Variants in LTBP2 observed in about 807,000 individuals in gnomAD.
LTBP2 encodes the protein latent-transforming growth factor beta-binding protein 2.
LTBP2 carries 103 observed loss-of-function variants against 210.6 expected under a neutral mutation model. The observed-to-expected ratio is 0.49, with a 90% CI of 0.42 to 0.58. The LOEUF (loss-of-function observed/expected upper bound fraction) is 0.58, where lower values mean the gene tolerates loss of function less well. Among genes scored for constraint, LTBP2 ranks in the 20% least tolerant of loss-of-function variants. The pLI, the probability that LTBP2 is intolerant of heterozygous loss-of-function variation, is 0.00. For synonymous variants in LTBP2, 1,007 were observed against 1,015.0 expected, an observed-to-expected ratio of 0.99 and a Z score of 0.15; for missense variants, 2,313 against 2,494.5, an observed-to-expected ratio of 0.93 and a Z score of 1.55.
In LTBP2 at chr14:74,555,650, C is replaced by T. The variant is rs898615549; in HGVS notation, c.874G>A (p.Val292Met). The stretch of plus-strand genomic sequence containing the variant: ...AGTCGGACAGTGCGGGACAACCCCA[C>T]GTGCTGCTGGGAAGGGTGGGTCTGG... ...LSQTHPSQQH[V>M]GLSRTVRLHP... Residue 292 changes from valine to methionine, a missense_variant, in exon 4 of 36, where the codon GTG becomes ATG. Around this residue, in one of 3 missense-constraint regions of LTBP2, gnomAD observed 1,867 missense variants for 1,976.9 expected, o/e 0.94. Transcript: ENST00000261978. 17 of 1,579,266 alleles carry T rather than the reference C, an allele frequency of 1.1e-5. No homozygotes were observed. Among genetic ancestry groups the T allele is most frequent in the African/African-American group, 2.7e-5 (2 of 74,204 alleles).
At position 74,555,519 on chromosome 14, in the gene LTBP2, G is replaced by T; in HGVS notation, c.1005C>A (p.His335Gln). 5.0e-6 allele frequency: 8 copies of T among 1,613,676 alleles called. No homozygotes were observed. Among genetic ancestry groups the T allele is most frequent in the Non-Finnish European group, 6.8e-6 (8 of 1,179,746 alleles). Residue 335 changes from histidine to glutamine, a missense_variant, in exon 4 of 36, where the codon CAC becomes CAA. This residue lies in a region of LTBP2 where 1,867 missense variants were observed against 1,976.9 expected (regional missense o/e 0.94). Coordinates refer to ENST00000261978, the MANE Select transcript of LTBP2 (RefSeq NM_000428.3). ...DGTQQAVPLEHPSSPWGLNLT... is the reference protein window; with the variant it reads ...DGTQQAVPLEQPSSPWGLNLT... ...TATCCTTACCCCAGGGGGATGAGGGGTGCTCCAGAGGTACCGCCTGTTGGG... is the reference window on the plus strand; with the variant it reads ...TATCCTTACCCCAGGGGGATGAGGGTTGCTCCAGAGGTACCGCCTGTTGGG...
intron 8 of LTBP2, among the ~76,000 whole-genome samples, chr14:74,540,785 A>T (rs1459239409): frequency 9.8e-5 from 2 of 20,342 alleles, no homozygotes; most frequent in Non-Finnish European, 1.1e-3. Context: ...TATATATATT[A>T]TATATATATT....
At chr14:74,566,140 A>G (rs2087899504) in intron 3 of LTBP2, among the ~76,000 whole-genome samples, 1 of 151,908 alleles carries the variant, frequency 6.6e-6, no homozygotes, top group South Asian at 2.1e-4. Context: ...AACTGTTCCC[A>G]GCTCTAATCA....
At chr14:74,606,591 G>A (rs557255145) in intron 1 of LTBP2, among the ~76,000 whole-genome samples, 29 of 152,332 alleles carry the variant, frequency 1.9e-4, no homozygotes, top group Admixed American at 1.9e-3. Context: ...GCTCACACCT[G>A]TAATCCCAGC....
At chr14:74,553,524 CTAAGA>C (rs2087687730) in intron 4 of LTBP2, among the ~76,000 whole-genome samples, 1 of 152,134 alleles carries the variant, frequency 6.6e-6, no homozygotes, top group Non-Finnish European at 1.5e-5. Context: ...GGAGAGTTTT[CTAAGA>C]GAAGAGAAGA....
intron 2 of LTBP2, among the ~76,000 whole-genome samples, chr14:74,597,774 G>A (rs1373239103): frequency 6.6e-6 from 1 of 152,026 alleles, no homozygotes; most frequent in Non-Finnish European, 1.5e-5. Context: ...ATTACCCTTC[G>A]CCACCTCCCA....
At chr14:74,602,780 G>A (rs151261828) in intron 2 of LTBP2, among the ~76,000 whole-genome samples, 47 of 152,226 alleles carry the variant, frequency 3.1e-4, no homozygotes, top group Non-Finnish European at 5.7e-4. Context: ...TCTCTCCTTC[G>A]AGCCAGCCTG....
chr14:74,573,063 C>T (rs766630814), intron 3 of LTBP2, among the ~76,000 whole-genome samples: 2 of 152,224 alleles, frequency 1.3e-5, no homozygotes, highest in Non-Finnish European at 2.9e-5. Flanking sequence ...CTGCTCCAGG[C>T]TCTCACCGAC....
In LTBP2 at chr14:74,509,848, A is replaced by G; in HGVS notation, c.3163T>C (p.Cys1055Arg). 6.2e-7 allele frequency: 1 copy of G among 1,613,948 alleles called. No homozygotes were observed. The highest frequency in any genetic ancestry group is 1.3e-5 in the African/African-American group (1 of 75,022). The change falls in exon 21 of 36, where the codon TGT (cysteine) becomes CGT (arginine). Residue 1055 changes from cysteine to arginine, a missense_variant. By Grantham distance (180) the Cys-to-Arg change is radical. Coordinates refer to ENST00000261978, the MANE Select transcript of LTBP2 (RefSeq NM_000428.3). ...DEKGCQDVDE[C>R]ASRASCPTGL... is the part of the protein sequence containing the mutation. ...GTGGGGCATGAGGCCCGGCTGGCACACTCATCCACATCTGAAATAGGGCAT... is the reference window on the plus strand; with the variant it reads ...GTGGGGCATGAGGCCCGGCTGGCACGCTCATCCACATCTGAAATAGGGCAT...
intron 8 of LTBP2, among the ~76,000 whole-genome samples, chr14:74,540,081 A>G (rs1188495354): frequency 6.6e-6 from 1 of 151,930 alleles, no homozygotes; most frequent in African/African-American, 2.4e-5. Context: ...CCACCCCAAA[A>G]CCAGGGCCCT....
At chr14:74,578,114 G>T (rs1266998511) in intron 3 of LTBP2, among the ~76,000 whole-genome samples, 4 of 152,084 alleles carry the variant, frequency 2.6e-5, no homozygotes, top group Non-Finnish European at 5.9e-5. Flanking sequence ...GAAGGCCAGG[G>T]CAGGCCTTCA....
intron 3 of LTBP2, among the ~76,000 whole-genome samples, chr14:74,573,871 T>C (rs1267549930): frequency 6.6e-6 from 1 of 152,172 alleles, no homozygotes; most frequent in Non-Finnish European, 1.5e-5. Context: ...GCAGCCAGTA[T>C]TGGTATCATC....
Position 74,528,565 on chromosome 14 carries a change from C to T in LTBP2, c.2286G>A (p.Gly762=), listed in dbSNP as rs755236322. 3 of 1,613,264 alleles carry T rather than the reference C, an allele frequency of 1.9e-6. No homozygotes were observed. The South Asian group carries it at 3.3e-5, about 18-fold the overall frequency. The change falls in exon 12 of 36, where the codon GGG becomes GGA. Residue 762 remains glycine (G), a synonymous_variant. Transcript: ENST00000261978. ...PPREQGQRSS[G]ALPGPAERQP... Reference sequence around the variant, plus strand: ...GCCTCTCTGCTGGCCCGGGCAGTGCCCCGCTGCTCCTCTGCCCTTGCTCCC... The same window carrying T: ...GCCTCTCTGCTGGCCCGGGCAGTGCTCCGCTGCTCCTCTGCCCTTGCTCCC...
chr14:74,605,945 C>T (rs1236866367), intron 1 of LTBP2, among the ~76,000 whole-genome samples: 2 of 152,298 alleles, frequency 1.3e-5, no homozygotes, highest in Non-Finnish European at 1.5e-5. Flanking sequence ...AGGATCCCTA[C>T]AGGCCAATAT....
At chr14:74,567,296 A>G (rs575567621) in intron 3 of LTBP2, among the ~76,000 whole-genome samples, 1 of 152,018 alleles carries the variant, frequency 6.6e-6, no homozygotes, top group African/African-American at 2.4e-5. Context: ...CACTGTGAAC[A>G]CTTTTCCACC....
rs1315765424 is a variant in LTBP2, at chr14:74,500,634, TG to T, written c.*249del. 14 of 577,160 alleles carry T rather than the reference TG, an allele frequency of 2.4e-5. No homozygotes were observed. The highest frequency in any genetic ancestry group is 1.1e-4 in the Admixed American group (4 of 36,070). The allele number at this position is 577,160 out of a possible 1,614,324, so 35.8% of individuals were successfully genotyped here. On this transcript the variant is annotated 3_prime_UTR_variant, in exon 36 of 36. Transcript: ENST00000261978. ...CATCCCATAGCAAGGCCAGGAAAGG[TG>T]GTGGACAGGGCCTCATGCGGTGGCT...
Position 74,504,947 on chromosome 14 carries a change from TGACCCTTCGAG to T in LTBP2, c.4369+25_4369+35del, listed in dbSNP as rs36016624. 181,492 of 1,613,946 alleles carry T rather than the reference TGACCCTTCGAG, an allele frequency of 0.11. 11,827 individuals carry two copies. Among genetic ancestry groups the T allele is most frequent in the Non-Finnish European group, 0.13 (151,582 of 1,179,822 alleles). ...TTCTTTCAGTGTCACCTTGCAGAGC[TGACCCTTCGAG>T]GATCTGGAACCCTTGGGGTCTTACC... On this transcript the variant is annotated intron_variant, in intron 29 of 35. Coordinates refer to ENST00000261978, the MANE Select transcript of LTBP2 (RefSeq NM_000428.3).
chr14:74,536,123 G>A (rs1595260379), intron 8 of LTBP2, 123 bp from the exon 9 acceptor site: 5 of 805,234 alleles, frequency 6.2e-6, no homozygotes, highest in East Asian at 5.3e-5. Context: ...CCCAGCCCCC[G>A]AAGCCATCGC....
rs755780671 is a variant in LTBP2, at chr14:74,553,025, G to A, written c.1059C>T (p.Ile353=). 12 of 1,614,042 alleles carry A rather than the reference G, an allele frequency of 7.4e-6. No individual in the cohort carries two copies. Among genetic ancestry groups the A allele is most frequent in the Admixed American group, 5.0e-5 (3 of 60,000 alleles). The part of the protein sequence containing the change: ...NLTEKIKKIK[I]VFTPTICKQT... Reference sequence around the variant, plus strand: ...GCTTGCAGATGGTGGGAGTGAAGACGATCTTGATCTTCTTGATTTTCTCCG... The same window carrying A: ...GCTTGCAGATGGTGGGAGTGAAGACAATCTTGATCTTCTTGATTTTCTCCG... Residue 353 remains isoleucine, a synonymous_variant, in exon 5 of 36, where the codon ATC becomes ATT. Transcript: ENST00000261978.
Sources: allele counts gnomAD v4.1 joint callset (sites outside exome capture counted in the v4.1 genomes callset), GRCh38; gene constraint gnomAD v4.1.1; regional missense constraint gnomAD v4.1.1; transcripts MANE v1.5; gene names NCBI Gene and HGNC (gene_info 2026-07-23, HGNC 2026-07-21).